Variants in ORC4 observed in about 807,000 individuals in gnomAD.
The protein encoded by ORC4 is origin recognition complex, subunit 4 homolog.
A neutral mutation model predicts 63.9 loss-of-function variants in ORC4; 55 were observed. The observed-to-expected ratio is 0.86, with a 90% confidence interval of 0.69 to 1.08. ORC4 has a LOEUF of 1.08. Among genes scored for constraint, ORC4 ranks in the 50% least tolerant of loss-of-function variants. ORC4 has a pLI of 0.00. For synonymous variants in ORC4, 150 were observed against 168.5 expected (o/e 0.89, Z 0.85); for missense variants, 511 against 504.4 (o/e 1.01, Z -0.13).
At chr2:147,950,456 C>T (rs1169731388) in intron 8 of ORC4, among the ~76,000 whole-genome samples, 1 of 152,130 alleles carries the variant, frequency 6.6e-6, no homozygotes, top group African/African-American at 2.4e-5. Flanking sequence ...TCCCTATAAA[C>T]GTGGATACAC....
chr2:148,018,257 C>CT (rs1693434136), intron 1 of ORC4, among the ~76,000 whole-genome samples: 1 of 151,972 alleles, frequency 6.6e-6, no homozygotes, highest in Admixed American at 6.6e-5. Flanking sequence ...TAAATTAAAA[C>CT]AACAATAAGA....
intron 4 of ORC4, among the ~76,000 whole-genome samples, chr2:147,965,931 T>C (rs1689866991): frequency 6.6e-6 from 1 of 152,046 alleles, no homozygotes; most frequent in African/African-American, 2.4e-5. Context: ...ACTGGCTAGG[T>C]GTGGTAGCTC....
At chr2:148,008,206 C>T (rs1573895660) in intron 1 of ORC4, among the ~76,000 whole-genome samples, 1 of 152,190 alleles carries the variant, frequency 6.6e-6, no homozygotes, top group African/African-American at 2.4e-5. Flanking sequence ...AAGAAATCAT[C>T]TGAAGGTATA....
intron 1 of ORC4, among the ~76,000 whole-genome samples, chr2:147,987,977 C>T (rs901435317): frequency 4.7e-5 from 7 of 150,122 alleles, no homozygotes; most frequent in East Asian, 2.0e-4. Flanking sequence ...GGTGTGAACC[C>T]GGGAGGCGGA....
chr2:147,958,936 T>A, intron 4 of ORC4, 70 bp from the exon 5 acceptor site: 2 of 698,982 alleles, frequency 2.9e-6, no homozygotes, highest in East Asian at 5.5e-5. Context: ...GTTTTTAAAC[T>A]ACAAGCAGTA....
At position 147,932,170 on chromosome 2, in the gene ORC4, CAGAG is replaced by C. The variant is rs1334808698; in HGVS notation, c.*3336_*3339del. 1.9e-4 allele frequency: 29 copies of C among 149,028 alleles called. No homozygotes were observed. Among genetic ancestry groups the C allele is most frequent in the South Asian group, 6.4e-4 (3 of 4,666 alleles). 9.2% of individuals were successfully genotyped at this position (149,028 alleles called of 1,614,324 possible). ...TTCTTATACACCAACAACAGACAAACAGAGAGCCAAATCATGAGTGAACTCCCAT... is the reference window on the plus strand; with the variant it reads ...TTCTTATACACCAACAACAGACAAACAGCCAAATCATGAGTGAACTCCCAT... On this transcript the variant is annotated 3_prime_UTR_variant, in exon 14 of 14. Transcript: ENST00000392857.
chr2:147,959,339 C>T (rs1689446832), intron 4 of ORC4, among the ~76,000 whole-genome samples: 1 of 150,834 alleles, frequency 6.6e-6, no homozygotes, highest in Non-Finnish European at 1.5e-5. Context: ...TCATACATAT[C>T]TCTTCATATT....
intron 1 of ORC4, among the ~76,000 whole-genome samples, chr2:147,988,167 T>A (rs935867275): frequency 3.9e-5 from 6 of 152,100 alleles, no homozygotes; most frequent in Non-Finnish European, 8.8e-5. Context: ...CAAATTTTAC[T>A]TGGTCTCTGT....
At chr2:147,956,204 T>C (rs1689242051) in intron 6 of ORC4, among the ~76,000 whole-genome samples, 1 of 152,076 alleles carries the variant, frequency 6.6e-6, no homozygotes, top group African/African-American at 2.4e-5. Flanking sequence ...CACTCTCCAG[T>C]TGAGAGATCT....
intron 9 of ORC4, chr2:147,947,690 T>A: frequency 6.5e-6 from 1 of 153,900 alleles, no homozygotes. Flanking sequence ...GTCATTAACA[T>A]TTATTTATCA....
chr2:147,932,613 A>G lies in ORC4; in HGVS notation c.*2897T>C, dbSNP rs976767438. 1 of 152,108 alleles carries G rather than the reference A, an allele frequency of 6.6e-6. No homozygotes were observed. Among genetic ancestry groups the G allele is most frequent in the African/African-American group, 2.4e-5 (1 of 41,434 alleles). The allele number at this position is 152,108 out of a possible 1,614,324, so 9.4% of individuals were successfully genotyped here. ...AGTGGTGAGTGAAGGGAGATTTGTTAATTATGGCATTTCCCTCTATTATCG... is the reference window on the plus strand; with the variant it reads ...AGTGGTGAGTGAAGGGAGATTTGTTGATTATGGCATTTCCCTCTATTATCG... On this transcript the variant is annotated 3_prime_UTR_variant, in exon 14 of 14. Coordinates refer to ENST00000392857, the MANE Select transcript of ORC4 (RefSeq NM_181741.4).
At chr2:148,013,362 G>A (rs928344571) in intron 1 of ORC4, among the ~76,000 whole-genome samples, 2 of 152,170 alleles carry the variant, frequency 1.3e-5, no homozygotes, top group South Asian at 2.1e-4. Flanking sequence ...ATATGTGGAA[G>A]CTTCAAAAAA....
At chr2:147,964,648 T>C (rs1689794227) in intron 4 of ORC4, among the ~76,000 whole-genome samples, 1 of 152,162 alleles carries the variant, frequency 6.6e-6, no homozygotes, top group African/African-American at 2.4e-5. Flanking sequence ...TATAGTCAAA[T>C]TGTTAAAAGT....
At chr2:148,021,061 T>G (rs546605679), upstream of ORC4, 2 of 152,042 alleles carry the variant, frequency 1.3e-5, no homozygotes, top group East Asian at 2.0e-4. Context: ...GTGCCTCCCG[T>G]CTCTTCTACC....
intron 6 of ORC4, among the ~76,000 whole-genome samples, chr2:147,955,867 A>C (rs1302633357): frequency 3.3e-5 from 5 of 152,006 alleles, no homozygotes; most frequent in African/African-American, 4.8e-5. Flanking sequence ...ATGAGAAACA[A>C]AAAGAAAAGG....
intron 4 of ORC4, among the ~76,000 whole-genome samples, chr2:147,968,680 T>C (rs2627022): frequency 0.037 from 5,590 of 152,042 alleles, 331 homozygotes; most frequent in African/African-American, 0.13. Context: ...TTATACACCA[T>C]TGGTGGGAAT....
rs1688169130 is a variant in ORC4 at position 147,938,288 on chromosome 2, C to T, written c.1054+10G>A. ...AGAGTCAGAAAAAAGCTACTTAAGT[C>T]TCATCTCACCATTATAGACCATTTG... is the stretch of plus-strand genomic sequence containing the variant. On this transcript the variant is annotated intron_variant, in intron 12 of 13. Coordinates refer to ENST00000392857, the MANE Select transcript of ORC4 (RefSeq NM_181741.4). 2 of 1,593,958 alleles carry T rather than the reference C, an allele frequency of 1.3e-6. No individual in the cohort carries two copies. Among genetic ancestry groups the T allele is most frequent in the Admixed American group, 1.7e-5 (1 of 59,976 alleles).
chr2:147,948,136 T>C lies in ORC4; in HGVS notation c.677A>G (p.Tyr226Cys). The change falls in exon 9 of 14, where the codon TAT (tyrosine) becomes TGT (cysteine). Residue 226 changes from tyrosine (Y) to cysteine (C), a missense_variant. Transcript: ENST00000392857. ...HLMNSFGFPQ[Y>C]VKIFKEQLSL... Reference sequence around the variant, plus strand: ...TAACTGTTCTTTAAATATTTTAACATACTGTGGAAAACCAAATGAATTCAT... The same window carrying C: ...TAACTGTTCTTTAAATATTTTAACACACTGTGGAAAACCAAATGAATTCAT... 7 of 1,610,858 alleles carry C rather than the reference T, an allele frequency of 4.3e-6. No homozygotes were observed. Among genetic ancestry groups the C allele is most frequent in the Non-Finnish European group, 5.9e-6 (7 of 1,177,414 alleles).
intron 1 of ORC4, among the ~76,000 whole-genome samples, chr2:147,992,286 T>C (rs1691664785): frequency 1.3e-5 from 2 of 152,158 alleles, no homozygotes; most frequent in South Asian, 2.1e-4. Context: ...GTTTAAGAGA[T>C]GGGGCTTCCC....
Sources: gnomAD v4.1 joint callset for allele counts (sites outside exome capture counted in the v4.1 genomes callset) on GRCh38, gnomAD v4.1.1 for gene constraint, MANE v1.5 for transcripts, NCBI Gene and HGNC (gene_info 2026-07-23, HGNC 2026-07-21) for gene names.